CDK13: variants seen among roughly 807,000 people sequenced by gnomAD.
CDK13 encodes the protein cyclin dependent kinase 13.
Under a neutral mutation model 137.6 loss-of-function variants are expected in CDK13, and 40 were observed. That is an observed-to-expected ratio of 0.29 (90% CI 0.23 to 0.38). The LOEUF (loss-of-function observed/expected upper bound fraction) is 0.38, where lower values mean the gene tolerates loss of function less well. Ranked by LOEUF, CDK13 falls within the 10% of genes least tolerant of loss-of-function variation. The probability of loss-of-function intolerance (pLI) is 1.00; values close to 1 mark genes in which losing one functional copy is unlikely to be tolerated. For synonymous variants in CDK13, 869 were observed against 760.1 expected (o/e 1.14, Z -2.36); for missense variants, 1,704 against 1,951.8 (o/e 0.87, Z 2.39).
At chr7:40,047,918 T>C in intron 7 of CDK13, 41 bp downstream of exon 7, 1 of 1,283,814 alleles carries the variant, frequency 7.8e-7, no homozygotes, top group African/African-American at 1.5e-5. Flanking sequence ...TACTAGAGTT[T>C]AGTATTAGAA....
In CDK13 at chr7:39,951,431, A is replaced by G. The variant is rs763368419; in HGVS notation, c.790A>G (p.Thr264Ala). 3.9e-6 allele frequency: 6 copies of G among 1,532,778 alleles called. No homozygotes were observed. The highest frequency in any genetic ancestry group is 2.0e-5 in the Admixed American group (1 of 49,132). The allele number at this position is 1,532,778 out of a possible 1,614,324, so 94.9% of individuals were successfully genotyped here. The change falls in exon 1 of 14, where the codon ACA becomes GCA. Residue 264 changes from threonine (T) to alanine (A), a missense_variant. Transcript: ENST00000181839. The stretch of plus-strand genomic sequence containing the variant: ...CGGCCGCCGGAAAAGCGCTTCGGCC[A>G]CATCCAGCAGCAGTAGCAGCCGCAA... ...SGGRRKSASA[T>A]SSSSSSRKDR... is the part of the protein sequence containing the mutation.
In CDK13 at chr7:39,950,839, G is replaced by GGCCGCCGCCGCAGCC; in HGVS notation, c.210_224dup (p.Ala72_Ala76dup). 4 of 1,381,594 alleles carry GGCCGCCGCCGCAGCC rather than the reference G, an allele frequency of 2.9e-6. No individual in the cohort carries two copies. Among genetic ancestry groups the GGCCGCCGCCGCAGCC allele is most frequent in the Non-Finnish European group, 2.8e-6 (3 of 1,078,202 alleles). The allele number at this position is 1,381,594 out of a possible 1,614,324, so 85.6% of individuals were successfully genotyped here. Reference sequence around the variant, plus strand: ...TGCTCTTCCTGGCTGCTCCCGGCACGGCCGCCGCCGCAGCCGCCGCCGCCG... The same window carrying GGCCGCCGCCGCAGCC: ...TGCTCTTCCTGGCTGCTCCCGGCACGGCCGCCGCCGCAGCCGCCGCCGCCGCAGCCGCCGCCGCCG... On this transcript the variant is annotated inframe_insertion, in exon 1 of 14. Transcript: ENST00000181839.
At position 39,988,228 on chromosome 7, in the gene CDK13, C is replaced by T. The variant is rs1230386094; in HGVS notation, c.1841C>T (p.Pro614Leu). 6.2e-7 allele frequency: 1 copy of T among 1,604,986 alleles called. No homozygotes were observed. The highest frequency in any genetic ancestry group is 1.1e-5 in the South Asian group (1 of 88,906). The change falls in exon 2 of 14, where the codon CCC becomes CTC. Residue 614 changes from proline to leucine, a missense_variant. By Grantham distance (98) the Pro-to-Leu change is moderately conservative. This residue lies in a region of CDK13 where 1,051 missense variants were observed against 931.0 expected (regional missense o/e 1.13). Coordinates refer to ENST00000181839, the MANE Select transcript of CDK13 (RefSeq NM_003718.5). ...TSTLPPLPLP[P>L]MLPEDKEADS... is the part of the protein sequence containing the mutation. ...ACATTACCACCGTTACCTTTGCCTCCCATGCTGCCTGAAGATAAAGAAGCT... is the reference window on the plus strand; with the variant it reads ...ACATTACCACCGTTACCTTTGCCTCTCATGCTGCCTGAAGATAAAGAAGCT...
chr7:39,962,267 T>G (rs1783761331), intron 1 of CDK13, among the ~76,000 whole-genome samples: 1 of 152,200 alleles, frequency 6.6e-6, no homozygotes, highest in South Asian at 2.1e-4. Flanking sequence ...GTAAAAGTGT[T>G]CCTATTTCTC....
chr7:40,011,653 A>G (rs1784896879), intron 5 of CDK13, among the ~76,000 whole-genome samples: 1 of 152,224 alleles, frequency 6.6e-6, no homozygotes, highest in Non-Finnish European at 1.5e-5. Flanking sequence ...TCAGTGACTT[A>G]AATGTAAGCA....
intron 5 of CDK13, among the ~76,000 whole-genome samples, chr7:40,015,700 A>G (rs1784989512): frequency 6.6e-6 from 1 of 152,174 alleles, no homozygotes; most frequent in Non-Finnish European, 1.5e-5. Context: ...CTCTAGTGAA[A>G]TTTTATTATG....
intron 1 of CDK13, among the ~76,000 whole-genome samples, chr7:39,962,330 A>C (rs1452469510): frequency 6.6e-6 from 1 of 152,192 alleles, no homozygotes; most frequent in African/African-American, 2.4e-5. Context: ...TCACCATTCT[A>C]ACTGGTGTGA....
chr7:39,974,667 G>A (rs953274388), intron 1 of CDK13, among the ~76,000 whole-genome samples: 1 of 151,772 alleles, frequency 6.6e-6, no homozygotes, highest in African/African-American at 2.4e-5. Flanking sequence ...GGGTTCAAGT[G>A]ATTCTCCTGC....
chr7:40,052,032 T>A (rs1785900293), intron 7 of CDK13, among the ~76,000 whole-genome samples: 1 of 152,134 alleles, frequency 6.6e-6, no homozygotes, highest in African/African-American at 2.4e-5. Flanking sequence ...TAGTTTTTAT[T>A]TTACCAAGTC....
chr7:40,089,715 AGAGAGAGAGT>A (rs1365476807), intron 12 of CDK13, among the ~76,000 whole-genome samples: 367 of 143,562 alleles, frequency 2.6e-3, no homozygotes, highest in African/African-American at 9.0e-3. Context: ...AGAGAGAGAG[AGAGAGAGAGT>A]GTGTGTGTGT....
chr7:40,047,946 T>G, intron 7 of CDK13, 69 bp downstream of exon 7: 1 of 922,726 alleles, frequency 1.1e-6, no homozygotes, highest in Non-Finnish European at 1.7e-6. Context: ...TAAGAATACC[T>G]TATTGATAGT....
intron 12 of CDK13, among the ~76,000 whole-genome samples, chr7:40,088,596 C>T (rs753372914): frequency 6.6e-6 from 1 of 152,144 alleles, no homozygotes; most frequent in Non-Finnish European, 1.5e-5. Context: ...ACTCTTAGTG[C>T]AGGAGTGAGT....
chr7:39,999,936 T>A (rs942818407), intron 4 of CDK13, among the ~76,000 whole-genome samples: 1 of 152,192 alleles, frequency 6.6e-6, no homozygotes, highest in Admixed American at 6.5e-5. Context: ...AGCAGCTTAA[T>A]CTTTCAGAAC....
At chr7:40,018,229 A>G (rs2116388647) in intron 5 of CDK13, among the ~76,000 whole-genome samples, 1 of 152,246 alleles carries the variant, frequency 6.6e-6, no homozygotes, top group South Asian at 2.1e-4. Context: ...TGACAAGCAT[A>G]TTAATGTAAT....
At chr7:39,968,502 A>G (rs578233013) in intron 1 of CDK13, among the ~76,000 whole-genome samples, 30 of 152,324 alleles carry the variant, frequency 2.0e-4, no homozygotes, top group Admixed American at 1.6e-3. Context: ...CCTCTGCAGT[A>G]GCTGGGACTA....
chr7:40,049,752 G>A (rs370049109), intron 7 of CDK13, among the ~76,000 whole-genome samples: 1 of 152,036 alleles, frequency 6.6e-6, no homozygotes, highest in Non-Finnish European at 1.5e-5. Context: ...CCTATGCCCC[G>A]TATCTGGTAA....
In CDK13 at chr7:40,094,115, C is replaced by T. The variant is rs772193348; in HGVS notation, c.3689-15C>T. ...ATGGTAACTTTTGACCTTGTTTTTG[C>T]TCTGTTTCACTTAGGACAAGATGAC... On this transcript the variant is annotated splice_polypyrimidine_tract_variant and intron_variant, in intron 13 of 13. Transcript: ENST00000181839. 3 of 1,606,806 alleles carry T rather than the reference C, an allele frequency of 1.9e-6. No homozygotes were observed. The highest frequency in any genetic ancestry group is 4.5e-5 in the East Asian group (2 of 44,770).
chr7:39,974,929 C>T (rs143810658), intron 1 of CDK13, among the ~76,000 whole-genome samples: 4 of 152,238 alleles, frequency 2.6e-5, no homozygotes, highest in African/African-American at 7.2e-5. Context: ...CAATGTTGAA[C>T]AGAGGAATGA....
intron 1 of CDK13, among the ~76,000 whole-genome samples, chr7:39,965,986 A>T (rs1446954964): frequency 3.3e-5 from 5 of 152,192 alleles, no homozygotes; most frequent in Admixed American, 1.3e-4. Flanking sequence ...CTGAGAGATC[A>T]GCTGTTAGTC....
Sources: allele counts gnomAD v4.1 joint callset (sites outside exome capture counted in the v4.1 genomes callset), GRCh38; gene constraint gnomAD v4.1.1; regional missense constraint gnomAD v4.1.1; transcripts MANE v1.5; gene names NCBI Gene and HGNC (gene_info 2026-07-23, HGNC 2026-07-21).